RSBN1L: variants seen among roughly 807,000 people sequenced by gnomAD.
The protein encoded by RSBN1L is round spermatid basic protein 1 like.
A neutral mutation model predicts 67.7 loss-of-function variants in RSBN1L; 30 were observed. The observed-to-expected ratio is 0.44, with a 90% CI of 0.33 to 0.60. The LOEUF is 0.60. Ranked by LOEUF, RSBN1L falls within the 20% of genes least tolerant of loss-of-function variation. RSBN1L has a pLI of 0.02. For synonymous variants in RSBN1L, 433 were observed against 387.0 expected, an observed-to-expected ratio of 1.12 and a Z score of -1.39; for missense variants, 992 against 1,031.7, an observed-to-expected ratio of 0.96 and a Z score of 0.53.
At chr7:77,722,529 C>T (rs764257483) in intron 1 of RSBN1L, among the ~76,000 whole-genome samples, 13 of 152,128 alleles carry the variant, frequency 8.5e-5, no homozygotes, top group Admixed American at 3.9e-4. Context: ...GCTGTGTTAG[C>T]GAGGGGCTGT....
chr7:77,697,271 C>CT (rs1448077751), intron 1 of RSBN1L: 1 of 405,482 alleles, frequency 2.5e-6, no homozygotes, highest in Non-Finnish European at 4.2e-6. Context: ...GGCCGACACT[C>CT]TTATTTTCTG....
intron 2 of RSBN1L, among the ~76,000 whole-genome samples, chr7:77,740,666 G>A (rs7799614): frequency 0.11 from 17,328 of 152,078 alleles, 1,485 homozygotes; most frequent in African/African-American, 0.23. Flanking sequence ...GAAAGTATAC[G>A]AAAATTAGTG....
Position 77,751,963 on chromosome 7 carries a change from A to T in RSBN1L, c.1344+1899A>T, listed in dbSNP as rs1306375594. Among the ~76,000 whole-genome samples the T allele has an allele frequency of 5.3e-5, 8 of 152,314 alleles. No homozygotes were observed. In the East Asian group the frequency reaches 1.3e-3, roughly 26 times the overall value. On this transcript the variant is annotated intron_variant, in intron 3 of 7. Transcript: ENST00000334955. Reference sequence around the variant, plus strand: ...ACCTTTTAAATGTGACAGTACATTGATGTGCATCACATTACATGCTTTTCA... The same window carrying T: ...ACCTTTTAAATGTGACAGTACATTGTTGTGCATCACATTACATGCTTTTCA...
chr7:77,775,790 T>C (rs1320074354), intron 6 of RSBN1L, among the ~76,000 whole-genome samples: 1 of 152,182 alleles, frequency 6.6e-6, no homozygotes, highest in African/African-American at 2.4e-5. Flanking sequence ...GCGCGGTGGC[T>C]CACAACTGTA....
chr7:77,719,773 A>T (rs902183029), intron 1 of RSBN1L, among the ~76,000 whole-genome samples: 1 of 151,956 alleles, frequency 6.6e-6, no homozygotes, highest in African/African-American at 2.4e-5. Flanking sequence ...ATTTAAAAAA[A>T]TTTTTTTTAG....
intron 3 of RSBN1L, among the ~76,000 whole-genome samples, chr7:77,752,415 T>TATC (rs71531010): frequency 0.58 from 88,207 of 151,806 alleles, 27,729 homozygotes; most frequent in African/African-American, 0.84. Context: ...CTTCAGATCT[T>TATC]ATTCCTGTGA....
chr7:77,717,373 T>G (rs1791061992), intron 1 of RSBN1L, among the ~76,000 whole-genome samples: 1 of 152,192 alleles, frequency 6.6e-6, no homozygotes, highest in South Asian at 2.1e-4. Context: ...TTATTACTAG[T>G]ATATAAAAAA....
At chr7:77,703,618 A>G (rs1790849276) in intron 1 of RSBN1L, among the ~76,000 whole-genome samples, 1 of 149,370 alleles carries the variant, frequency 6.7e-6, no homozygotes, top group Admixed American at 6.8e-5. Context: ...CCTCCCAAGT[A>G]GCTGGAACTA....
chr7:77,776,130 TTGA>T (rs1171925935), intron 6 of RSBN1L, among the ~76,000 whole-genome samples: 9 of 152,226 alleles, frequency 5.9e-5, no homozygotes, highest in Non-Finnish European at 8.8e-5. Flanking sequence ...GTCAACTTTG[TTGA>T]TAGTGAATGT....
At chr7:77,701,465 T>G (rs1258232799) in intron 1 of RSBN1L, among the ~76,000 whole-genome samples, 1 of 152,134 alleles carries the variant, frequency 6.6e-6, no homozygotes, top group Non-Finnish European at 1.5e-5. Context: ...CCTCAAAAGT[T>G]TGAAGGTGGT....
chr7:77,754,392 T>C (rs1413242813), intron 3 of RSBN1L, among the ~76,000 whole-genome samples: 5 of 152,306 alleles, frequency 3.3e-5, no homozygotes, highest in South Asian at 2.1e-4. Context: ...CTTTACAACA[T>C]TGAGTCTTCC....
chr7:77,718,182 T>C (rs780365792), intron 1 of RSBN1L, among the ~76,000 whole-genome samples: 3 of 152,200 alleles, frequency 2.0e-5, no homozygotes, highest in African/African-American at 4.8e-5. Context: ...AGCTCTACAA[T>C]GTCACAGAAG....
chr7:77,781,983 A>AG lies in RSBN1L; in HGVS notation c.*2815_*2816insG. On this transcript the variant is annotated 3_prime_UTR_variant, in exon 8 of 8. Transcript: ENST00000334955. Reference sequence around the variant, plus strand: ...CTGGGCGACAGTCTCAAAAAAAAAAAAAAAAAAAAGCATACATCTCTGAAG... The same window carrying AG: ...CTGGGCGACAGTCTCAAAAAAAAAAAGAAAAAAAAAGCATACATCTCTGAAG... 1 of 151,692 alleles carries AG rather than the reference A, an allele frequency of 6.6e-6. No homozygotes were observed. The highest frequency in any genetic ancestry group is 1.9e-4 in the East Asian group (1 of 5,174). The allele number at this position is 151,692 out of a possible 1,614,324, so 9.4% of individuals were successfully genotyped here. A position where few individuals can be genotyped will look rare whatever the true frequency, so the allele number is the denominator to read the frequency against.
intron 2 of RSBN1L, among the ~76,000 whole-genome samples, chr7:77,740,976 T>C (rs990859632): frequency 7.0e-6 from 1 of 142,898 alleles, no homozygotes. Flanking sequence ...AACATTTTTC[T>C]TTTCTTTTCT....
Position 77,765,598 on chromosome 7 carries a change from TC to T in RSBN1L, c.1450del (p.Asp485ThrfsTer9). On this transcript the variant is annotated frameshift_variant, in exon 4 of 8. Coordinates refer to ENST00000334955, the MANE Select transcript of RSBN1L (RefSeq NM_198467.3). LOFTEE classifies it high-confidence loss of function. The stretch of plus-strand genomic sequence containing the variant: ...GAAGTAGGAGATTATTTCCCTGAGT[TC>T]CTTGACATGTTGGAAGAGTCACCAT... ...DEEVGDYFPEFLDMLEESPFL... is the reference protein window; with the variant it reads ...DEEVGDYFPEXLDMLEESPFL... The T allele has an allele frequency of 6.2e-7, 1 of 1,609,512 alleles. No individual in the cohort carries two copies. The highest frequency in any genetic ancestry group is 8.5e-7 in the Non-Finnish European group (1 of 1,177,364).
At chr7:77,706,698 T>C (rs1790897694) in intron 1 of RSBN1L, among the ~76,000 whole-genome samples, 1 of 152,224 alleles carries the variant, frequency 6.6e-6, no homozygotes, top group African/African-American at 2.4e-5. Context: ...GAGTAAATAC[T>C]GTAAGTTTAT....
At chr7:77,711,951 A>T (rs559423170) in intron 1 of RSBN1L, among the ~76,000 whole-genome samples, 94 of 152,296 alleles carry the variant, frequency 6.2e-4, no homozygotes, top group African/African-American at 2.2e-3. Context: ...ATCTGAAGGA[A>T]AGGAGTAAAA....
intron 2 of RSBN1L, among the ~76,000 whole-genome samples, chr7:77,740,662 A>G (rs12539610): frequency 0.018 from 2,797 of 152,354 alleles, 39 homozygotes; most frequent in Middle Eastern, 0.071. Flanking sequence ...TACAGAAAGT[A>G]TACGAAAATT....
intron 3 of RSBN1L, among the ~76,000 whole-genome samples, chr7:77,753,129 A>T (rs189743957): frequency 4.9e-4 from 75 of 152,314 alleles, no homozygotes; most frequent in South Asian, 2.5e-3. Context: ...ACATGTCTTG[A>T]TGAGCATATG....
Sources: gnomAD v4.1 joint callset for allele counts (sites outside exome capture counted in the v4.1 genomes callset) on GRCh38, gnomAD v4.1.1 for gene constraint, MANE v1.5 for transcripts, NCBI Gene and HGNC (gene_info 2026-07-23, HGNC 2026-07-21) for gene names.